The following LIMS1 variants were observed in gnomAD, a reference collection of about 807,000 sequenced individuals.
LIMS1 encodes LIM and senescent cell antigen-like-containing domain protein 1.
LIMS1 carries 18 observed loss-of-function variants against 44.1 expected under a neutral mutation model. The ratio of observed to expected loss-of-function variants is 0.41; its 90% CI spans 0.28 to 0.61. LIMS1 has a LOEUF of 0.61. Ranked by LOEUF, LIMS1 falls within the 20% of genes least tolerant of loss-of-function variation. The pLI, the probability that LIMS1 is intolerant of heterozygous loss-of-function variation, is 0.32. For missense variants in LIMS1, 201 were observed against 422.0 expected (o/e 0.48, Z 4.59); for synonymous variants, 93 against 149.1 (o/e 0.62, Z 2.74).
chr2:108,641,545 T>C (rs892400219), intron 1 of LIMS1, among the ~76,000 whole-genome samples: 1 of 152,240 alleles, frequency 6.6e-6, no homozygotes, highest in Non-Finnish European at 1.5e-5. Flanking sequence ...TTAGTGACTC[T>C]TCAGTTATTT....
intron 1 of LIMS1, among the ~76,000 whole-genome samples, chr2:108,633,534 A>G (rs1021183369): frequency 3.3e-5 from 5 of 152,210 alleles, no homozygotes; most frequent in African/African-American, 1.2e-4. Context: ...TTTGAAGCTC[A>G]GTTATTTTGT....
chr2:108,665,732 G>A (rs549141869), intron 2 of LIMS1, among the ~76,000 whole-genome samples: 1 of 151,874 alleles, frequency 6.6e-6, no homozygotes, highest in South Asian at 2.1e-4. Flanking sequence ...CACCATGTTG[G>A]TCAGGCTGGT....
chr2:108,557,269 G>A (rs1468384499), intron 1 of LIMS1, among the ~76,000 whole-genome samples: 1 of 152,090 alleles, frequency 6.6e-6, no homozygotes, highest in Non-Finnish European at 1.5e-5. Context: ...TAGAGACGGT[G>A]TCTCTCTATG....
At chr2:108,586,505 T>C (rs891140499) in intron 1 of LIMS1, among the ~76,000 whole-genome samples, 14 of 152,326 alleles carry the variant, frequency 9.2e-5, no homozygotes, top group Admixed American at 9.1e-4. Flanking sequence ...AATAAAGTAA[T>C]ATCTGCTGAG....
intron 1 of LIMS1, among the ~76,000 whole-genome samples, chr2:108,557,717 TG>T (rs1189463863): frequency 6.6e-6 from 1 of 152,040 alleles, no homozygotes; most frequent in Non-Finnish European, 1.5e-5. Context: ...GGTTTCACCA[TG>T]TTGCCCAGGC....
chr2:108,652,308 G>A (rs1448899929), intron 1 of LIMS1, among the ~76,000 whole-genome samples: 14 of 152,396 alleles, frequency 9.2e-5, no homozygotes, highest in African/African-American at 2.9e-4. Flanking sequence ...GCCCTTCAGC[G>A]GGTGAACAGT....
intron 1 of LIMS1, among the ~76,000 whole-genome samples, chr2:108,566,722 G>A (rs1339887575): frequency 6.6e-6 from 1 of 151,952 alleles, no homozygotes; most frequent in African/African-American, 2.4e-5. Context: ...TCGGCCTCCC[G>A]AGTAGCTGGG....
chr2:108,596,130 A>C (rs1426195430), intron 1 of LIMS1, among the ~76,000 whole-genome samples: 29 of 152,078 alleles, frequency 1.9e-4, no homozygotes, highest in Non-Finnish European at 3.8e-4. Flanking sequence ...TTTTGACTTC[A>C]TGTGTCCCTG....
At chr2:108,535,014 A>G (rs1684077810) in intron 1 of LIMS1, among the ~76,000 whole-genome samples, 1 of 152,230 alleles carries the variant, frequency 6.6e-6, no homozygotes, top group Non-Finnish European at 1.5e-5. Context: ...GAGACACTGA[A>G]GTTACTATTA....
rs569996809 is a variant in LIMS1, at chr2:108,625,237, T to C, written c.33-34368T>C. Among the ~76,000 whole-genome samples, 17 of 152,322 alleles carry C rather than the reference T, an allele frequency of 1.1e-4. No individual in the cohort carries two copies. In the South Asian group the frequency reaches 3.5e-3, roughly 32 times the overall value. Reference sequence around the variant, plus strand: ...AAAAATATTTTTCACATGTGAAATATATGAAATTCAAATTTCAGTGTCCAC... The same window carrying C: ...AAAAATATTTTTCACATGTGAAATACATGAAATTCAAATTTCAGTGTCCAC... On this transcript the variant is annotated intron_variant, in intron 1 of 9. Transcript: ENST00000544547.
chr2:108,642,304 T>C (rs992610298), intron 1 of LIMS1, among the ~76,000 whole-genome samples: 1 of 151,648 alleles, frequency 6.6e-6, no homozygotes, highest in African/African-American at 2.4e-5. Context: ...CCATCATTAC[T>C]ACTTAAGAGG....
At chr2:108,608,011 A>C (rs1687369191) in intron 1 of LIMS1, among the ~76,000 whole-genome samples, 1 of 152,158 alleles carries the variant, frequency 6.6e-6, no homozygotes, top group Non-Finnish European at 1.5e-5. Flanking sequence ...AAAAATAATG[A>C]AGATATTGAA....
chr2:108,606,652 C>T (rs910290770), intron 1 of LIMS1, among the ~76,000 whole-genome samples: 2 of 152,218 alleles, frequency 1.3e-5, no homozygotes, highest in African/African-American at 4.8e-5. Context: ...AACGTATAAA[C>T]AACACACAAT....
chr2:108,555,780 T>C (rs938469642), intron 1 of LIMS1, among the ~76,000 whole-genome samples: 1 of 152,244 alleles, frequency 6.6e-6, no homozygotes, highest in African/African-American at 2.4e-5. Flanking sequence ...TGTGCTGGAC[T>C]GTGGGGTGAG....
intron 1 of LIMS1, among the ~76,000 whole-genome samples, chr2:108,636,814 GGA>G (rs1406959341): frequency 6.6e-6 from 1 of 152,134 alleles, no homozygotes; most frequent in East Asian, 1.9e-4. Flanking sequence ...CTCTGTGTGG[GGA>G]GAGAGGAAGG....
intron 1 of LIMS1, among the ~76,000 whole-genome samples, chr2:108,571,596 C>A (rs1296025651): frequency 1.3e-5 from 2 of 152,138 alleles, no homozygotes; most frequent in Non-Finnish European, 2.9e-5. Context: ...TGTTGTAATA[C>A]CTTACATTGG....
Position 108,583,840 on chromosome 2 carries a change from G to A in LIMS1, c.32+49246G>A, listed in dbSNP as rs552177454. On this transcript the variant is annotated intron_variant, in intron 1 of 9. Transcript: ENST00000544547. ...CTCCCGGGTAACTGGGACCACAGGC[G>A]CCCACCACCACGCCTGGCTAACTTG... Among the ~76,000 whole-genome samples, 7 of 151,722 alleles carry A rather than the reference G, an allele frequency of 4.6e-5. No homozygotes were observed. In the South Asian group the frequency reaches 6.3e-4, roughly 14 times the overall value.
intron 2 of LIMS1, among the ~76,000 whole-genome samples, chr2:108,664,319 G>A (rs1691597548): frequency 6.6e-6 from 1 of 152,184 alleles, no homozygotes; most frequent in African/African-American, 2.4e-5. Context: ...CTTGAAAGCA[G>A]CTCAGAATAA....
chr2:108,575,213 A>G (rs1374153267), intron 1 of LIMS1, among the ~76,000 whole-genome samples: 1 of 151,824 alleles, frequency 6.6e-6, no homozygotes. Context: ...CTTCCCCTCC[A>G]AGGTTGGGGA....
Sources: allele counts gnomAD v4.1 joint callset (sites outside exome capture counted in the v4.1 genomes callset), GRCh38; gene constraint gnomAD v4.1.1; transcripts MANE v1.5; gene names NCBI Gene and HGNC (gene_info 2026-07-23, HGNC 2026-07-21).